Variants in ROBO1 observed in about 807,000 individuals in gnomAD.
The protein encoded by ROBO1 is roundabout guidance receptor 1, also known as roundabout homolog 1.
In ROBO1, 149 loss-of-function variants were observed where a neutral mutation model predicts 195.9. The observed-to-expected ratio is 0.76, with a 90% confidence interval of 0.67 to 0.87. The LOEUF (loss-of-function observed/expected upper bound fraction) is 0.87. Ranked by LOEUF, ROBO1 falls within the 40% of genes least tolerant of loss-of-function variation. The pLI is 0.00. For synonymous variants in ROBO1, 816 were observed against 733.2 expected (o/e 1.11, Z -1.82); for missense variants, 1,933 against 2,068.3 (o/e 0.93, Z 1.27).
chr3:79,027,539 G>A (rs1039379412), intron 3 of ROBO1, among the ~76,000 whole-genome samples: 1 of 151,946 alleles, frequency 6.6e-6, no homozygotes, highest in Non-Finnish European at 1.5e-5. Context: ...TCAGTCTTGT[G>A]GGTAAATACT....
At chr3:79,764,341 G>C (rs918185959) in intron 1 of ROBO1, among the ~76,000 whole-genome samples, 2 of 152,228 alleles carry the variant, frequency 1.3e-5, no homozygotes, top group African/African-American at 4.8e-5. Flanking sequence ...AGTTTAGAGA[G>C]ATAAATGATT....
intron 22 of ROBO1, among the ~76,000 whole-genome samples, chr3:78,637,558 T>C (rs1276676756): frequency 6.6e-6 from 1 of 152,208 alleles, no homozygotes; most frequent in Non-Finnish European, 1.5e-5. Flanking sequence ...TTTTAAACTA[T>C]ATTTTATTAA....
chr3:79,535,985 C>T lies in ROBO1; in HGVS notation c.88+53839G>A, dbSNP rs376693036. On this transcript the variant is annotated intron_variant, in intron 2 of 30. Coordinates refer to ENST00000464233, the MANE Select transcript of ROBO1 (RefSeq NM_002941.4). ...AGATTAAATAAATATCTGCCTTTCC[C>T]TGGATCTATGCCTGGATCTTCCTAT... Among the ~76,000 whole-genome samples, 7 of 152,164 alleles carry T rather than the reference C, an allele frequency of 4.6e-5. No homozygotes were observed. In the East Asian group the frequency reaches 1.4e-3, roughly 29 times the overall value.
chr3:79,175,031 T>A (rs1387508839), intron 2 of ROBO1, among the ~76,000 whole-genome samples: 2 of 152,148 alleles, frequency 1.3e-5, no homozygotes, highest in African/African-American at 2.4e-5. Context: ...AAAAACTAAA[T>A]GCCAGTTAGA....
Position 78,607,025 on chromosome 3 carries a change from A to T in ROBO1, c.4452T>A (p.Pro1484=). The change falls in exon 29 of 31, where the codon CCT becomes CCA. Residue 1484 remains proline (P), a synonymous_variant. Coordinates refer to ENST00000464233, the MANE Select transcript of ROBO1 (RefSeq NM_002941.4). ...ETYTDDLPPP[P]VPPPAIKSPT... ...GTGACTTTATAGCAGGTGGCGGCAC[A>T]GGAGGTGGTGGAAGATCTAAAAAGA... The T allele has an allele frequency of 6.2e-7, 1 of 1,610,380 alleles. No individual in the cohort carries two copies. Among genetic ancestry groups the T allele is most frequent in the Non-Finnish European group, 8.5e-7 (1 of 1,177,160 alleles).
At chr3:78,847,317 A>G (rs2033734026) in intron 4 of ROBO1, among the ~76,000 whole-genome samples, 1 of 152,182 alleles carries the variant, frequency 6.6e-6, no homozygotes, top group South Asian at 2.1e-4. Flanking sequence ...GCAAATGTGT[A>G]TCTTACATAA....
chr3:78,783,146 T>C (rs333497), intron 4 of ROBO1, among the ~76,000 whole-genome samples: 8,271 of 152,252 alleles, frequency 0.054, 301 homozygotes, highest in Middle Eastern at 0.11. Flanking sequence ...TGTGGATATA[T>C]TGCAAGTGGT....
intron 2 of ROBO1, among the ~76,000 whole-genome samples, chr3:79,510,552 CT>C (rs11293666): frequency 0.33 from 47,128 of 144,348 alleles, 8,645 homozygotes; most frequent in African/African-American, 0.51. Flanking sequence ...ATCCTTTCTT[CT>C]TTTTTTTTTT....
intron 4 of ROBO1, among the ~76,000 whole-genome samples, chr3:78,885,265 G>A (rs1415292603): frequency 6.6e-6 from 1 of 151,880 alleles, no homozygotes; most frequent in East Asian, 1.9e-4. Flanking sequence ...TTGTGGGGTG[G>A]AGGGTGGAAG....
intron 1 of ROBO1, among the ~76,000 whole-genome samples, chr3:79,687,184 G>A (rs1461135346): frequency 5.9e-5 from 9 of 152,168 alleles, no homozygotes; most frequent in East Asian, 3.9e-4. Flanking sequence ...CTGAAGCTGC[G>A]TCCCTTCTTT....
At chr3:79,377,990 T>C (rs565218170) in intron 2 of ROBO1, among the ~76,000 whole-genome samples, 36 of 152,322 alleles carry the variant, frequency 2.4e-4, no homozygotes, top group Non-Finnish European at 4.6e-4. Context: ...CTCATGTTCT[T>C]GCTCATGCAA....
intron 3 of ROBO1, among the ~76,000 whole-genome samples, chr3:78,949,784 G>C (rs1269609129): frequency 1.3e-5 from 2 of 152,034 alleles, no homozygotes; most frequent in African/African-American, 4.8e-5. Flanking sequence ...CTAATATCCA[G>C]AATCTACAAT....
intron 2 of ROBO1, among the ~76,000 whole-genome samples, chr3:79,140,449 G>T (rs9877474): frequency 1.3e-5 from 2 of 151,808 alleles, no homozygotes; most frequent in African/African-American, 4.8e-5. Flanking sequence ...TTATTGATTG[G>T]CCTCAGTTTC....
intron 3 of ROBO1, among the ~76,000 whole-genome samples, chr3:79,015,031 C>T (rs1350496072): frequency 6.6e-6 from 1 of 152,128 alleles, no homozygotes; most frequent in Non-Finnish European, 1.5e-5. Flanking sequence ...TTCTGTACCA[C>T]TTTAAATTAC....
At chr3:79,751,497 T>C (rs1367214668) in intron 1 of ROBO1, among the ~76,000 whole-genome samples, 1 of 152,110 alleles carries the variant, frequency 6.6e-6, no homozygotes, top group East Asian at 1.9e-4. Context: ...TAAAATCACT[T>C]ATCTGTGTTT....
chr3:79,735,393 G>A (rs761054869), intron 1 of ROBO1, among the ~76,000 whole-genome samples: 3 of 152,142 alleles, frequency 2.0e-5, no homozygotes, highest in Non-Finnish European at 2.9e-5. Context: ...ATGGCTGGGA[G>A]GCAGCATGAT....
intron 4 of ROBO1, among the ~76,000 whole-genome samples, chr3:78,872,488 A>AT (rs555436935): frequency 9.9e-5 from 15 of 152,258 alleles, no homozygotes; most frequent in Non-Finnish European, 1.9e-4. Context: ...GAACAAAAGA[A>AT]TTTTTTTTAT....
intron 3 of ROBO1, among the ~76,000 whole-genome samples, chr3:79,064,985 T>C (rs764644444): frequency 2.0e-5 from 3 of 152,094 alleles, no homozygotes; most frequent in African/African-American, 4.8e-5. Context: ...AGGGACACTT[T>C]CTTTGATCTT....
intron 1 of ROBO1, among the ~76,000 whole-genome samples, chr3:79,712,522 A>C (rs982913517): frequency 2.0e-5 from 3 of 152,148 alleles, no homozygotes; most frequent in African/African-American, 7.2e-5. Context: ...TTGGTTACTA[A>C]GGTTTAAGAA....
Sources: allele counts gnomAD v4.1 joint callset (sites outside exome capture counted in the v4.1 genomes callset), GRCh38; gene constraint gnomAD v4.1.1; transcripts MANE v1.5; gene names NCBI Gene and HGNC (gene_info 2026-07-23, HGNC 2026-07-21).